BRD4: variants seen among roughly 807,000 people sequenced by gnomAD.
The protein encoded by BRD4 is bromodomain containing 4.
Under a neutral mutation model 142.1 loss-of-function variants are expected in BRD4, and 16 were observed. That is an observed-to-expected ratio of 0.11 (90% CI 0.08 to 0.17). The LOEUF (loss-of-function observed/expected upper bound fraction) is 0.17, where lower values mean the gene tolerates loss of function less well. Among genes scored for constraint, BRD4 ranks in the 10% least tolerant of loss-of-function variants. The probability of loss-of-function intolerance (pLI) is 1.00; values close to 1 mark genes in which losing one functional copy is unlikely to be tolerated. For synonymous variants in BRD4, 833 were observed against 707.5 expected, an observed-to-expected ratio of 1.18 and a Z score of -2.82; for missense variants, 1,424 against 1,810.9, an observed-to-expected ratio of 0.79 and a Z score of 3.88.
At chr19:15,259,622 A>C (rs927050577) in intron 7 of BRD4, among the ~76,000 whole-genome samples, 1 of 152,188 alleles carries the variant, frequency 6.6e-6, no homozygotes, top group African/African-American at 2.4e-5. Context: ...CTTGGATGTG[A>C]GAACTCTTGT....
chr19:15,331,068 G>A (rs1409994929), intron 1 of BRD4, among the ~76,000 whole-genome samples: 1 of 152,060 alleles, frequency 6.6e-6, no homozygotes, highest in Non-Finnish European at 1.5e-5. Flanking sequence ...GGGGTCACTA[G>A]CATCCAACAC....
At position 15,236,887 on chromosome 19, in the gene BRD4, A is replaced by G. The variant is rs756010352; in HGVS notation, c.*1490T>C. Reference sequence around the variant, plus strand: ...TCCATGATCAGTACAGACCAAATGCATATTCACCGTATGAAAGTCAAACCA... The same window carrying G: ...TCCATGATCAGTACAGACCAAATGCGTATTCACCGTATGAAAGTCAAACCA... On this transcript the variant is annotated 3_prime_UTR_variant, in exon 20 of 20. Transcript: ENST00000679869. 5 of 199,336 alleles carry G rather than the reference A, an allele frequency of 2.5e-5. No individual in the cohort carries two copies. Among genetic ancestry groups the G allele is most frequent in the East Asian group, 7.6e-5 (1 of 13,182 alleles). 12.3% of individuals were successfully genotyped at this position (199,336 alleles called of 1,614,324 possible).
intron 1 of BRD4, among the ~76,000 whole-genome samples, chr19:15,322,480 C>A (rs1448614140): frequency 6.6e-6 from 1 of 151,086 alleles, no homozygotes; most frequent in Non-Finnish European, 1.5e-5. Context: ...GAGGCCGAGG[C>A]GGGTGGATCA....
chr19:15,324,807 A>AT (rs1233186248), intron 1 of BRD4, among the ~76,000 whole-genome samples: 1 of 152,202 alleles, frequency 6.6e-6, no homozygotes, highest in Non-Finnish European at 1.5e-5. Flanking sequence ...TGCAGCAAAC[A>AT]TCCCAGGGTG....
chr19:15,271,528 G>A (rs1223343849), intron 2 of BRD4, among the ~76,000 whole-genome samples: 3 of 152,064 alleles, frequency 2.0e-5, no homozygotes, highest in African/African-American at 7.2e-5. Flanking sequence ...GCCTCACAAC[G>A]CTCTGGGTTC....
At chr19:15,315,753 G>A (rs949205081) in intron 1 of BRD4, among the ~76,000 whole-genome samples, 1 of 152,036 alleles carries the variant, frequency 6.6e-6, no homozygotes, top group African/African-American at 2.4e-5. Flanking sequence ...CTACTTGGGA[G>A]GCTGAGGCAT....
chr19:15,325,042 T>A (rs373065352), intron 1 of BRD4, among the ~76,000 whole-genome samples: 1 of 152,146 alleles, frequency 6.6e-6, no homozygotes, highest in African/African-American at 2.4e-5. Context: ...TGTCAGCAGC[T>A]CTACTCTGAC....
In BRD4 at chr19:15,239,692, C is replaced by G. The variant is rs2145501877; in HGVS notation, c.3412G>C (p.Glu1138Gln). Reference sequence around the variant, plus strand: ...AGGTGGACGGGGGCCTTGATGCTCTCCGGGTGCTTGGGGGGCTCCGGCCGC... The same window carrying G: ...AGGTGGACGGGGGCCTTGATGCTCTGCGGGTGCTTGGGGGGCTCCGGCCGC... The part of the protein sequence containing the change: ...SLRPEPPKHP[E>Q]SIKAPVHLPQ... Residue 1138 changes from glutamate to glutamine, a missense_variant, in exon 16 of 20, where the codon GAG becomes CAG. Transcript: ENST00000679869. This position sits in a 1 kb window ranked among gnomAD's most constrained non-coding sequence, Gnocchi z 7.4. 3 of 1,593,878 alleles carry G rather than the reference C, an allele frequency of 1.9e-6. No homozygotes were observed. The highest frequency in any genetic ancestry group is 1.1e-5 in the South Asian group (1 of 90,420).
intron 1 of BRD4, among the ~76,000 whole-genome samples, chr19:15,293,047 G>A (rs1175529698): frequency 2.6e-5 from 4 of 151,940 alleles, no homozygotes; most frequent in Non-Finnish European, 4.4e-5. Flanking sequence ...CACAACAGCC[G>A]ACTACTGTCG....
intron 11 of BRD4, 105 bp from the exon 12 acceptor site, chr19:15,244,867 A>C (rs950756577): frequency 6.3e-7 from 1 of 1,585,160 alleles, no homozygotes. Context: ...GAGAAGGACC[A>C]GTGACCCTGA....
At chr19:15,266,060 T>C (rs897004856) in intron 4 of BRD4, among the ~76,000 whole-genome samples, 4 of 152,228 alleles carry the variant, frequency 2.6e-5, no homozygotes, top group African/African-American at 9.6e-5. Context: ...GTAGCCGCCC[T>C]TGCCAAGGTT....
At position 15,295,701 on chromosome 19, in the gene BRD4, T is replaced by C. The variant is rs7256220; in HGVS notation, c.-34-22568A>G. On this transcript the variant is annotated intron_variant, in intron 1 of 19. Coordinates refer to ENST00000679869, the MANE Select transcript of BRD4 (RefSeq NM_001379291.1). ...CTGCCTTTGTGGGGGCTGCGTGCGG[T>C]GGCTCACGCCTGTAATCGCAGCACT... 5.0e-3 allele frequency among the ~76,000 whole-genome samples: 765 copies of C among 152,378 alleles called. 4 individuals are homozygous for C. The highest frequency in any genetic ancestry group is 0.017 in the African/African-American group (700 of 41,598).
At chr19:15,297,852 C>G (rs531038319) in intron 1 of BRD4, among the ~76,000 whole-genome samples, 11 of 152,228 alleles carry the variant, frequency 7.2e-5, no homozygotes, top group Non-Finnish European at 1.6e-4. Flanking sequence ...GGACCATGCC[C>G]AGGAAACCCA....
intron 1 of BRD4, among the ~76,000 whole-genome samples, chr19:15,274,890 C>T (rs1233222688): frequency 6.7e-6 from 1 of 149,094 alleles, no homozygotes; most frequent in Non-Finnish European, 1.5e-5. Context: ...TTTTTGGAGA[C>T]AGGGTCTGTC....
intron 7 of BRD4, among the ~76,000 whole-genome samples, chr19:15,257,555 G>A (rs2047425196): frequency 6.6e-6 from 1 of 152,134 alleles, no homozygotes; most frequent in African/African-American, 2.4e-5. Flanking sequence ...GCTCCCACCA[G>A]ATGCGTGCGG....
intron 1 of BRD4, among the ~76,000 whole-genome samples, chr19:15,327,982 C>T (rs1034742729): frequency 1.4e-5 from 2 of 140,412 alleles, no homozygotes; most frequent in East Asian, 2.1e-4. Context: ...TCTGTAAATA[C>T]ATTTAAAAAC....
At position 15,265,628 on chromosome 19, in the gene BRD4, C is replaced by A; in HGVS notation, c.575G>T (p.Gly192Val). The A allele has an allele frequency of 6.2e-7, 1 of 1,614,088 alleles. No individual in the cohort carries two copies. Among genetic ancestry groups the A allele is most frequent in the Non-Finnish European group, 8.5e-7 (1 of 1,180,008 alleles). Residue 192 changes from glycine (G) to valine (V), a missense_variant, in exon 5 of 20, where the codon GGC becomes GTC. Coordinates refer to ENST00000679869, the MANE Select transcript of BRD4 (RefSeq NM_001379291.1). Reference protein sequence around the residue: ...GRKETGTAKPGVSTVPNTTQA... With the variant: ...GRKETGTAKPVVSTVPNTTQA... Reference sequence around the variant, plus strand: ...AGTTGTGTTTGGTACCGTGGAAACGCCAGGTTTTGCTGTCCCTACAAATCA... The same window carrying A: ...AGTTGTGTTTGGTACCGTGGAAACGACAGGTTTTGCTGTCCCTACAAATCA...
At chr19:15,324,471 CA>C (rs2048091164) in intron 1 of BRD4, among the ~76,000 whole-genome samples, 2 of 152,206 alleles carry the variant, frequency 1.3e-5, no homozygotes, top group African/African-American at 4.8e-5. Flanking sequence ...GGCAGTATGC[CA>C]GACTCCCAGT....
chr19:15,256,736 T>C (rs2047413314), intron 8 of BRD4, among the ~76,000 whole-genome samples: 1 of 152,078 alleles, frequency 6.6e-6, no homozygotes, highest in South Asian at 2.1e-4. Context: ...GCCCAGAAAA[T>C]GGCCATGTCC....
Sources: allele counts gnomAD v4.1 joint callset (sites outside exome capture counted in the v4.1 genomes callset), GRCh38; gene constraint gnomAD v4.1.1; non-coding constraint Gnocchi (gnomAD v3.1); transcripts MANE v1.5; gene names NCBI Gene and HGNC (gene_info 2026-07-23, HGNC 2026-07-21).